The following TTBK1 variants were observed in gnomAD, a reference collection of about 807,000 sequenced individuals.
The protein encoded by TTBK1 is tau tubulin kinase 1, also known as tau-tubulin kinase 1.
Under a neutral mutation model 108.5 loss-of-function variants are expected in TTBK1, and 34 were observed. That is an observed-to-expected ratio of 0.31 (90% confidence interval 0.24 to 0.42). TTBK1 has a LOEUF of 0.42. Ranked by LOEUF, TTBK1 falls within the 10% of genes least tolerant of loss-of-function variation. TTBK1 has a pLI of 1.00. For missense variants in TTBK1, 1,539 were observed against 1,826.0 expected (o/e 0.84, Z 2.86); for synonymous variants, 809 against 795.1 (o/e 1.02, Z -0.29).
At position 43,269,792 on chromosome 6, in the gene TTBK1, C is replaced by G; in HGVS notation, c.1986+6442C>G. The G allele has an allele frequency of 6.4e-7, 1 of 1,565,972 alleles. No individual in the cohort carries two copies. The highest frequency in any genetic ancestry group is 1.2e-5 in the South Asian group (1 of 86,892). On this transcript the variant is annotated intron_variant, in intron 13 of 14. Coordinates refer to ENST00000259750, the MANE Select transcript of TTBK1 (RefSeq NM_032538.3). The surrounding 1 kb of genome is among the most constrained non-coding windows in gnomAD (Gnocchi z 4.8). Reference sequence around the variant, plus strand: ...GCTCCTCGGGCTCCTCCGGTTCCCTCATTCAGCGCAGCCGCTCGGCTGAGA... The same window carrying G: ...GCTCCTCGGGCTCCTCCGGTTCCCTGATTCAGCGCAGCCGCTCGGCTGAGA...
chr6:43,269,591 T>C lies in TTBK1; in HGVS notation c.1986+6241T>C. 1 of 1,548,426 alleles carries C rather than the reference T, an allele frequency of 6.5e-7. No individual in the cohort carries two copies. Among genetic ancestry groups the C allele is most frequent in the South Asian group, 1.2e-5 (1 of 84,310 alleles). ...GTGGGTGGCCCCGGAGACGGAGCTGTCGAGTCTGTGCCTGACACCTCTTTT... is the reference window on the plus strand; with the variant it reads ...GTGGGTGGCCCCGGAGACGGAGCTGCCGAGTCTGTGCCTGACACCTCTTTT... On this transcript the variant is annotated intron_variant, in intron 13 of 14. Transcript: ENST00000259750. This position sits in a 1 kb window ranked among gnomAD's most constrained non-coding sequence, Gnocchi z 4.8.
At chr6:43,262,587 C>T (rs769464771) in intron 12 of TTBK1, among the ~76,000 whole-genome samples, 1 of 152,162 alleles carries the variant, frequency 6.6e-6, no homozygotes, top group African/African-American at 2.4e-5. Flanking sequence ...AATGAACGAA[C>T]GAACTAACAA....
chr6:43,275,514 G>A (rs1350874967), intron 13 of TTBK1, among the ~76,000 whole-genome samples: 3 of 152,070 alleles, frequency 2.0e-5, no homozygotes, highest in Admixed American at 1.3e-4. Flanking sequence ...AGGCGGAGGC[G>A]TTCGGCTAAG....
At position 43,286,803 on chromosome 6, in the gene TTBK1, C is replaced by T. The variant is rs1182163154; in HGVS notation, c.*1427C>T. On this transcript the variant is annotated 3_prime_UTR_variant, in exon 15 of 15. Coordinates refer to ENST00000259750, the MANE Select transcript of TTBK1 (RefSeq NM_032538.3). The surrounding 1 kb of genome is among the most constrained non-coding windows in gnomAD (Gnocchi z 4.6). ...CTGCCTACATCTGGGGCAAGCAGCACACCGGCTGCAGATGGGACAGCCAGC... is the reference window on the plus strand; with the variant it reads ...CTGCCTACATCTGGGGCAAGCAGCATACCGGCTGCAGATGGGACAGCCAGC... 2.0e-5 allele frequency: 3 copies of T among 152,418 alleles called. No individual in the cohort carries two copies. Among genetic ancestry groups the T allele is most frequent in the Non-Finnish European group, 4.4e-5 (3 of 68,206 alleles). The allele number at this position is 152,418 out of a possible 1,614,324, so 9.4% of individuals were successfully genotyped here.
Position 43,243,906 on chromosome 6 carries a change from GACCT to G in TTBK1, c.-55+199_-55+202del, listed in dbSNP as rs1420538516. Among the ~76,000 whole-genome samples, 3 of 152,080 alleles carry G rather than the reference GACCT, an allele frequency of 2.0e-5. No individual in the cohort carries two copies. Among genetic ancestry groups the G allele is most frequent in the Non-Finnish European group, 4.4e-5 (3 of 67,962 alleles). ...AGCCGCTCCCTGTCCCCAGCACACA[GACCT>G]CCCTCCCCAACCCGTCCTCCGGGCA... On this transcript the variant is annotated intron_variant, in intron 1 of 14. Transcript: ENST00000259750. The surrounding 1 kb of genome is among the most constrained non-coding windows in gnomAD (Gnocchi z 5.5).
intron 13 of TTBK1, among the ~76,000 whole-genome samples, chr6:43,267,559 C>T (rs1014537140): frequency 2.6e-5 from 4 of 152,246 alleles, no homozygotes; most frequent in East Asian, 1.9e-4. Flanking sequence ...TGTGGGGAAC[C>T]GGGAGGGAAA....
chr6:43,243,567 G>T lies in TTBK1; in HGVS notation c.-196G>T, dbSNP rs1777009485. On this transcript the variant is annotated 5_prime_UTR_variant, in exon 1 of 15. Coordinates refer to ENST00000259750, the MANE Select transcript of TTBK1 (RefSeq NM_032538.3). This position sits in a 1 kb window ranked among gnomAD's most constrained non-coding sequence, Gnocchi z 5.5. ...GGCCGGGCCGGGATGATCCGGGTCGGAAGGCCGCCGCCGCCGGAGGGAGCG... is the reference window on the plus strand; with the variant it reads ...GGCCGGGCCGGGATGATCCGGGTCGTAAGGCCGCCGCCGCCGGAGGGAGCG... 1 of 152,590 alleles carries T rather than the reference G, an allele frequency of 6.6e-6. No individual in the cohort carries two copies. The highest frequency in any genetic ancestry group is 1.5e-5 in the Non-Finnish European group (1 of 68,002). 9.5% of individuals were successfully genotyped at this position (152,590 alleles called of 1,614,324 possible).
intron 13 of TTBK1, among the ~76,000 whole-genome samples, chr6:43,268,431 C>T (rs924109870): frequency 6.6e-6 from 1 of 152,230 alleles, no homozygotes; most frequent in Non-Finnish European, 1.5e-5. Context: ...CTTCCCTACT[C>T]TGCTGGAGGC....
At chr6:43,275,478 T>C (rs2150707578) in intron 13 of TTBK1, among the ~76,000 whole-genome samples, 1 of 152,000 alleles carries the variant, frequency 6.6e-6, no homozygotes, top group East Asian at 2.0e-4. Context: ...CCCTCAGTGC[T>C]GCCAGGCTGG....
Position 43,254,668 on chromosome 6 carries a change from CG to C in TTBK1, c.576+21del. On this transcript the variant is annotated intron_variant, in intron 6 of 14. Transcript: ENST00000259750. ...GTGCGGCCCGTGAGTACCGTCGGGG[CG>C]GGGAGGACAGTGGAGGACTCCCCCC... The C allele has an allele frequency of 6.5e-7, 1 of 1,540,118 alleles. No homozygotes were observed. Among genetic ancestry groups the C allele is most frequent in the Non-Finnish European group, 8.7e-7 (1 of 1,147,136 alleles).
intron 2 of TTBK1, among the ~76,000 whole-genome samples, chr6:43,247,815 CGGT>C (rs1344333420): frequency 6.6e-6 from 1 of 152,074 alleles, no homozygotes; most frequent in African/African-American, 2.4e-5. Flanking sequence ...AAAGAGGCAA[CGGT>C]GGCGACGTTT....
intron 2 of TTBK1, among the ~76,000 whole-genome samples, chr6:43,252,347 C>T (rs1334924848): frequency 2.0e-5 from 3 of 151,860 alleles, no homozygotes; most frequent in South Asian, 2.1e-4. Context: ...CCCTTCTGGC[C>T]GGGCACAGTG....
rs909493299 is a variant in TTBK1 at position 43,255,979 on chromosome 6, T to C, written c.861+123T>C. On this transcript the variant is annotated intron_variant, in intron 9 of 14. Coordinates refer to ENST00000259750, the MANE Select transcript of TTBK1 (RefSeq NM_032538.3). ...CTTGTCCCCAAGCCTCTCCCCTTGGTCTTCTAACTGCACTAAAGGCATGTA... is the reference window on the plus strand; with the variant it reads ...CTTGTCCCCAAGCCTCTCCCCTTGGCCTTCTAACTGCACTAAAGGCATGTA... 4 of 1,224,998 alleles carry C rather than the reference T, an allele frequency of 3.3e-6. No individual in the cohort carries two copies. In the Admixed American group the frequency reaches 7.9e-5, roughly 24 times the overall value. 75.9% of individuals were successfully genotyped at this position (1,224,998 alleles called of 1,614,324 possible).
At chr6:43,246,330 T>TA (rs1777084868) in intron 1 of TTBK1, among the ~76,000 whole-genome samples, 1 of 152,344 alleles carries the variant, frequency 6.6e-6, no homozygotes, top group South Asian at 2.1e-4. Flanking sequence ...TGGCATCAGT[T>TA]AGAGTATGTC....
intron 1 of TTBK1, among the ~76,000 whole-genome samples, chr6:43,245,258 AC>A (rs1157769754): frequency 6.6e-6 from 1 of 151,678 alleles, no homozygotes; most frequent in Non-Finnish European, 1.5e-5. Context: ...CCGACCCGCA[AC>A]CCCCAAACCC....
chr6:43,253,225 C>A lies in TTBK1; in HGVS notation c.257-66C>A. The stretch of plus-strand genomic sequence containing the variant: ...CAGGAATCAAGAGTGCACTAGGAAC[C>A]CATCTTAGGGTTGGAAATGAGGAAG... On this transcript the variant is annotated intron_variant, in intron 3 of 14. Transcript: ENST00000259750. This position sits in a 1 kb window ranked among gnomAD's most constrained non-coding sequence, Gnocchi z 5.8. 1 of 1,562,338 alleles carries A rather than the reference C, an allele frequency of 6.4e-7. No individual in the cohort carries two copies. The highest frequency in any genetic ancestry group is 1.1e-5 in the South Asian group (1 of 90,018).
At position 43,254,558 on chromosome 6, in the gene TTBK1, C is replaced by T. The variant is rs146476136; in HGVS notation, c.483C>T (p.Ala161=). 16 of 1,571,322 alleles carry T rather than the reference C, an allele frequency of 1.0e-5. No homozygotes were observed. In the African/African-American group the frequency reaches 2.2e-4, roughly 22 times the overall value. Reference sequence around the variant, plus strand: ...GCTGTCTCCCCCAGTCAAACTTTGCCATGGGCAGGCTGCCCTCCACCTACA... The same window carrying T: ...GCTGTCTCCCCCAGTCAAACTTTGCTATGGGCAGGCTGCCCTCCACCTACA... ...LHRDIKPSNF[A]MGRLPSTYRK... Residue 161 remains alanine, a synonymous_variant, in exon 6 of 15, where the codon GCC becomes GCT. Coordinates refer to ENST00000259750, the MANE Select transcript of TTBK1 (RefSeq NM_032538.3).
intron 2 of TTBK1, among the ~76,000 whole-genome samples, chr6:43,247,045 G>A (rs1777108406): frequency 6.6e-6 from 1 of 152,130 alleles, no homozygotes; most frequent in African/African-American, 2.4e-5. Flanking sequence ...TGGATGTCTG[G>A]GCAGGAGCTG....
In TTBK1 at chr6:43,257,170, T is replaced by C. The variant is rs1328134752; in HGVS notation, c.862-642T>C. On this transcript the variant is annotated intron_variant, in intron 9 of 14. Coordinates refer to ENST00000259750, the MANE Select transcript of TTBK1 (RefSeq NM_032538.3). The surrounding 1 kb of genome is among the most constrained non-coding windows in gnomAD (Gnocchi z 4.5). ...GGAGTGTTCTGGGGACCTCAGAGGG[T>C]CTATAGCTGTCTGCCACCTCCTGAA... is the stretch of plus-strand genomic sequence containing the variant. Among the ~76,000 whole-genome samples, 1 of 151,978 alleles carries C rather than the reference T, an allele frequency of 6.6e-6. No individual in the cohort carries two copies. The highest frequency in any genetic ancestry group is 2.4e-5 in the African/African-American group (1 of 41,342).
Sources: allele counts gnomAD v4.1 joint callset (sites outside exome capture counted in the v4.1 genomes callset), GRCh38; gene constraint gnomAD v4.1.1; non-coding constraint Gnocchi (gnomAD v3.1); transcripts MANE v1.5; gene names NCBI Gene and HGNC (gene_info 2026-07-23, HGNC 2026-07-21).